The following ZNF404 variants were observed in gnomAD, a reference collection of about 807,000 sequenced individuals.
ZNF404 encodes zinc finger protein 404.
A neutral mutation model predicts 7.3 loss-of-function variants in ZNF404; 7 were observed. The ratio of observed to expected loss-of-function variants is 0.95; its 90% confidence interval spans 0.54 to 1.79. The LOEUF (loss-of-function observed/expected upper bound fraction) is 1.79. Among genes scored for constraint, ZNF404 ranks in the 40% most tolerant of loss-of-function variants. The pLI is 0.00. For synonymous variants in ZNF404, 191 were observed against 209.9 expected (o/e 0.91, Z 0.78); for missense variants, 560 against 661.5 (o/e 0.85, Z 1.68).
At position 43,873,697 on chromosome 19, in the gene ZNF404, G is replaced by A; in HGVS notation, c.517C>T (p.His173Tyr). Residue 173 changes from histidine to tyrosine, a missense_variant, in exon 3 of 3, where the codon CAT becomes TAT. Transcript: ENST00000587539. ...TGGATTTTTCGATGTCTAATAAAAT[G>A]CTGGAAAACTACAAATGCTTTTCCA... Reference protein sequence around the residue: ...ECGKAFVVFQHFIRHRKIHTD... With the variant: ...ECGKAFVVFQYFIRHRKIHTD... 6.2e-7 allele frequency: 1 copy of A among 1,613,164 alleles called. No individual in the cohort carries two copies. Among genetic ancestry groups the A allele is most frequent in the South Asian group, 1.1e-5 (1 of 91,048 alleles).
chr19:43,883,668 C>T (rs17725970), intron 1 of ZNF404, among the ~76,000 whole-genome samples: 4,837 of 152,264 alleles, frequency 0.032, 287 homozygotes, highest in East Asian at 0.24. Flanking sequence ...CTGACAACGG[C>T]AGCTCAACTA....
intron 2 of ZNF404, among the ~76,000 whole-genome samples, chr19:43,877,364 G>A (rs894861169): frequency 4.6e-5 from 7 of 152,018 alleles, no homozygotes; most frequent in East Asian, 1.9e-4. Flanking sequence ...GCCAGGCTTC[G>A]GTCTCTATAT....
At chr19:43,883,645 C>T (rs1322073996) in intron 1 of ZNF404, among the ~76,000 whole-genome samples, 4 of 152,176 alleles carry the variant, frequency 2.6e-5, no homozygotes, top group East Asian at 1.9e-4. Flanking sequence ...TCCTATGCCA[C>T]GAAACCATGA....
At position 43,873,127 on chromosome 19, in the gene ZNF404, C is replaced by T; in HGVS notation, c.1087G>A (p.Ala363Thr). The change falls in exon 3 of 3, where the codon GCC (alanine) becomes ACC (threonine). Residue 363 changes from alanine to threonine, a missense_variant. Ala to Thr is a moderately conservative substitution (Grantham distance 58). Transcript: ENST00000587539. The part of the protein sequence containing the change: ...KLYDCKDCGK[A>T]FCRGSQLTQH... ...GTAAGTTGAGAGCCTCTACAAAAGG[C>T]CTTTCCACAATCCTTACAATCATAG... is the stretch of plus-strand genomic sequence containing the variant. 1 of 1,613,292 alleles carries T rather than the reference C, an allele frequency of 6.2e-7. No individual in the cohort carries two copies. The highest frequency in any genetic ancestry group is 8.5e-7 in the Non-Finnish European group (1 of 1,179,580).
chr19:43,882,603 A>G (rs1383557706), intron 1 of ZNF404, among the ~76,000 whole-genome samples: 1 of 152,048 alleles, frequency 6.6e-6, no homozygotes, highest in Non-Finnish European at 1.5e-5. Context: ...AAAAATTAAA[A>G]ACTTCTGCTC....
intron 1 of ZNF404, among the ~76,000 whole-genome samples, chr19:43,882,064 A>T (rs1971899634): frequency 6.6e-6 from 1 of 152,168 alleles, no homozygotes; most frequent in Non-Finnish European, 1.5e-5. Context: ...CCTAGACAAC[A>T]TTGAAGAAGA....
At position 43,873,590 on chromosome 19, in the gene ZNF404, A is replaced by T; in HGVS notation, c.624T>A (p.Ile208=). The T allele has an allele frequency of 6.2e-7, 1 of 1,613,626 alleles. No individual in the cohort carries two copies. Among genetic ancestry groups the T allele is most frequent in the Non-Finnish European group, 8.5e-7 (1 of 1,179,708 alleles). ...FYSQLIQHQI[I]HTGMKPYECK... ...ATTCATAGGGTTTCATACCAGTATG[A>T]ATTATCTGATGCTGAATAAGCTGTG... The change falls in exon 3 of 3, where the codon ATT becomes ATA. Residue 208 remains isoleucine (I), a synonymous_variant. Transcript: ENST00000587539.
chr19:43,872,792 C>T lies in ZNF404; in HGVS notation c.1422G>A (p.Lys474=). The T allele has an allele frequency of 6.2e-7, 1 of 1,610,890 alleles. No individual in the cohort carries two copies. The highest frequency in any genetic ancestry group is 8.5e-7 in the Non-Finnish European group (1 of 1,178,178). ...AAAGACCTGAGATAGAACGAAAGGCCTTCTTACATTCTTTACATACATAGG... is the reference window on the plus strand; with the variant it reads ...AAAGACCTGAGATAGAACGAAAGGCTTTCTTACATTCTTTACATACATAGG... ...LKPYVCKECK[K]AFRSISGLSQ... The change falls in exon 3 of 3, where the codon AAG becomes AAA. Residue 474 remains lysine, a synonymous_variant. Coordinates refer to ENST00000587539, the MANE Select transcript of ZNF404 (RefSeq NM_001033719.3). This position sits in a 1 kb window ranked among gnomAD's most constrained non-coding sequence, Gnocchi z 4.4.
intron 2 of ZNF404, among the ~76,000 whole-genome samples, chr19:43,878,409 G>A (rs931626254): frequency 2.6e-5 from 4 of 151,732 alleles, no homozygotes; most frequent in South Asian, 2.1e-4. Context: ...CATGTCCTTC[G>A]CCCACTTTTT....
chr19:43,877,586 A>T (rs1002774968), intron 2 of ZNF404, among the ~76,000 whole-genome samples: 9 of 151,798 alleles, frequency 5.9e-5, no homozygotes, highest in Middle Eastern at 3.4e-3. Flanking sequence ...TTATTTATTT[A>T]TTTTTTATTA....
Position 43,873,537 on chromosome 19 carries a change from C to T in ZNF404, c.677G>A (p.Arg226His), listed in dbSNP as rs369554464. 21 of 1,613,396 alleles carry T rather than the reference C, an allele frequency of 1.3e-5. No individual in the cohort carries two copies. The highest frequency in any genetic ancestry group is 9.9e-5 in the South Asian group (9 of 91,048). The change falls in exon 3 of 3, where the codon CGT becomes CAT. Residue 226 changes from arginine to histidine, a missense_variant. Coordinates refer to ENST00000587539, the MANE Select transcript of ZNF404 (RefSeq NM_001033719.3). ...ECKQCGKAFR[R>H]HSHLTEHQKI... is the part of the protein sequence containing the mutation. ...CTGATGTTCTGTAAGGTGAGAATGACGTCTAAAAGCCTTCCCGCATTGCTT... is the reference window on the plus strand; with the variant it reads ...CTGATGTTCTGTAAGGTGAGAATGATGTCTAAAAGCCTTCCCGCATTGCTT...
intron 2 of ZNF404, among the ~76,000 whole-genome samples, chr19:43,875,396 AATTCTACCTTCT>A (rs1971844762): frequency 6.6e-6 from 1 of 152,138 alleles, no homozygotes; most frequent in Non-Finnish European, 1.5e-5. Flanking sequence ...GCCTTTCCCA[AATTCTACCTTCT>A]ATTCATTTAA....
At chr19:43,883,626 G>A (rs1430065960) in intron 1 of ZNF404, among the ~76,000 whole-genome samples, 1 of 152,102 alleles carries the variant, frequency 6.6e-6, no homozygotes, top group Non-Finnish European at 1.5e-5. Flanking sequence ...AGTCAAATAG[G>A]ACCATTGTTC....
intron 1 of ZNF404, among the ~76,000 whole-genome samples, chr19:43,881,223 G>A (rs1029730396): frequency 3.3e-5 from 5 of 152,076 alleles, no homozygotes; most frequent in East Asian, 3.9e-4. Flanking sequence ...TTGTACTAGC[G>A]GTTCTAGCCA....
chr19:43,874,990 T>C (rs903539963), intron 2 of ZNF404, among the ~76,000 whole-genome samples: 1 of 152,150 alleles, frequency 6.6e-6, no homozygotes, highest in Non-Finnish European at 1.5e-5. Flanking sequence ...AACCATTTCA[T>C]TTCTGAAAAT....
In ZNF404 at chr19:43,872,607, T is replaced by C. The variant is rs759649004; in HGVS notation, c.1607A>G (p.Tyr536Cys). The change falls in exon 3 of 3, where the codon TAT becomes TGT. Residue 536 changes from tyrosine (Y) to cysteine (C), a missense_variant. Transcript: ENST00000587539. The surrounding 1 kb of genome is among the most constrained non-coding windows in gnomAD (Gnocchi z 4.4). The part of the protein sequence containing the change: ...KECGKAFSHC[Y>C]QLSQHQRFHH... ...AAATCTTTGATGTTGACTAAGTTGA[T>C]AGCAATGACTAAAGGCCTTACCACA... The C allele has an allele frequency of 3.1e-6, 5 of 1,611,120 alleles. No individual in the cohort carries two copies. The highest frequency in any genetic ancestry group is 4.2e-6 in the Non-Finnish European group (5 of 1,178,492).
intron 1 of ZNF404, among the ~76,000 whole-genome samples, chr19:43,880,944 CA>C (rs1388002136): frequency 6.6e-6 from 1 of 152,174 alleles, no homozygotes; most frequent in East Asian, 1.9e-4. Flanking sequence ...ATTTAAAAAT[CA>C]ATCAAGGTAA....
intron 2 of ZNF404, among the ~76,000 whole-genome samples, chr19:43,877,845 G>A (rs1195386406): frequency 6.6e-6 from 1 of 151,050 alleles, no homozygotes; most frequent in African/African-American, 2.4e-5. Flanking sequence ...TTGGTTTTTT[G>A]TTCTTGCGAT....
chr19:43,875,709 G>GA, intron 2 of ZNF404, among the ~76,000 whole-genome samples: 1 of 152,124 alleles, frequency 6.6e-6, no homozygotes, highest in Middle Eastern at 3.4e-3. Context: ...GGAATTCTGT[G>GA]AAAAAAGTAT....
Sources: allele counts gnomAD v4.1 joint callset (sites outside exome capture counted in the v4.1 genomes callset), GRCh38; gene constraint gnomAD v4.1.1; non-coding constraint Gnocchi (gnomAD v3.1); transcripts MANE v1.5; gene names NCBI Gene and HGNC (gene_info 2026-07-23, HGNC 2026-07-21).